Variants in CCDC171 observed in about 807,000 individuals in gnomAD.
The protein encoded by CCDC171 is coiled-coil domain-containing protein 171.
In CCDC171, 177 loss-of-function variants were observed where a neutral mutation model predicts 168.2. That is an observed-to-expected ratio of 1.05 (90% CI 0.93 to 1.19). The LOEUF (loss-of-function observed/expected upper bound fraction) is 1.19. Among genes scored for constraint, CCDC171 ranks in the 50% most tolerant of loss-of-function variants. The probability of loss-of-function intolerance (pLI) is 0.00; values close to 1 mark genes in which losing one functional copy is unlikely to be tolerated. For missense variants in CCDC171, 1,991 were observed against 1,539.0 expected, an observed-to-expected ratio of 1.29 and a Z score of -4.91; for synonymous variants, 687 against 540.8, an observed-to-expected ratio of 1.27 and a Z score of -3.75.
At chr9:16,088,840 C>T in the CCDC171 span, among the ~76,000 whole-genome samples, 1 of 151,984 alleles carries the variant, frequency 6.6e-6, no homozygotes, top group Non-Finnish European at 1.5e-5. Context: ...TGATTTTCTC[C>T]ACAGAATTAG....
chr9:15,759,575 C>T (rs1297490334), intron 18 of CCDC171, among the ~76,000 whole-genome samples: 1 of 152,098 alleles, frequency 6.6e-6, no homozygotes, highest in Non-Finnish European at 1.5e-5. Context: ...GGAAGAGTTC[C>T]TCAGTCTTTT....
At position 15,721,759 on chromosome 9, in the gene CCDC171, T is replaced by G; in HGVS notation, c.1319-10T>G. ...TTAAGGGTATATTTTCATCCTATAT[T>G]TTTCTCTAGGCATCCACAAGGACAA... On this transcript the variant is annotated splice_polypyrimidine_tract_variant and intron_variant, in intron 11 of 25. Transcript: ENST00000380701. 1 of 1,502,894 alleles carries G rather than the reference T, an allele frequency of 6.7e-7. No individual in the cohort carries two copies. The highest frequency in any genetic ancestry group is 1.4e-5 in the African/African-American group (1 of 70,556). 93.1% of individuals were successfully genotyped at this position (1,502,894 alleles called of 1,614,324 possible). A position where few individuals can be genotyped will look rare whatever the true frequency, so the allele number is the denominator to read the frequency against.
At chr9:15,843,689 A>G (rs562710989) in intron 21 of CCDC171, among the ~76,000 whole-genome samples, 20 of 152,218 alleles carry the variant, frequency 1.3e-4, no homozygotes, top group African/African-American at 4.8e-4. Context: ...TCACTTATAT[A>G]TGAAGTATGT....
chr9:15,988,469 C>G (rs2132896073), intron 3 of CCDC171, among the ~76,000 whole-genome samples: 1 of 152,300 alleles, frequency 6.6e-6, no homozygotes, highest in South Asian at 2.1e-4. Flanking sequence ...CGAATAGGAA[C>G]AGCTCCAGTC....
At chr9:16,006,099 TG>T (rs1214747257) in intron 3 of CCDC171, among the ~76,000 whole-genome samples, 5 of 152,040 alleles carry the variant, frequency 3.3e-5, no homozygotes, top group Non-Finnish European at 7.4e-5. Context: ...TGACCTCAGG[TG>T]ATCTGCCCAT....
At chr9:15,725,038 C>G in intron 14 of CCDC171, 62 bp downstream of exon 14, 1 of 1,185,756 alleles carries the variant, frequency 8.4e-7, no homozygotes, top group African/African-American at 1.5e-5. Flanking sequence ...TGTTATACAT[C>G]AAGTGACTAT....
intron 25 of CCDC171, among the ~76,000 whole-genome samples, chr9:15,929,505 G>A (rs2132116874): frequency 6.6e-6 from 1 of 151,668 alleles, no homozygotes; most frequent in African/African-American, 2.4e-5. Flanking sequence ...TGAAATAACT[G>A]TCCACCTTGC....
chr9:15,946,976 G>A (rs1412704245), intron 25 of CCDC171, among the ~76,000 whole-genome samples: 2 of 151,840 alleles, frequency 1.3e-5, no homozygotes, highest in African/African-American at 2.4e-5. Context: ...TGTACAATTA[G>A]CATTTTAATC....
chr9:15,718,491 C>T (rs1431265656), intron 11 of CCDC171, among the ~76,000 whole-genome samples: 1 of 152,242 alleles, frequency 6.6e-6, no homozygotes, highest in African/African-American at 2.4e-5. Flanking sequence ...TAGGCAGTCG[C>T]CAGTTAATGG....
intron 6 of CCDC171, among the ~76,000 whole-genome samples, chr9:15,621,796 T>TAAATTAATA (rs1198905156): frequency 1.3e-5 from 2 of 152,188 alleles, no homozygotes; most frequent in Non-Finnish European, 2.9e-5. Context: ...CTCAAAGGAA[T>TAAATTAATA]AGAAATTGTT....
intron 18 of CCDC171, among the ~76,000 whole-genome samples, chr9:15,770,265 A>G (rs558712742): frequency 2.0e-5 from 3 of 152,224 alleles, no homozygotes; most frequent in South Asian, 2.1e-4. Context: ...TATTTGGTTT[A>G]TGCAAAAACT....
chr9:15,767,987 G>C (rs2056823903), intron 18 of CCDC171, among the ~76,000 whole-genome samples: 1 of 149,302 alleles, frequency 6.7e-6, no homozygotes, highest in South Asian at 2.1e-4. Context: ...CACCCACCTC[G>C]GTCTCCCAAT....
intron 4 of CCDC171, chr9:15,587,749 G>C: frequency 2.4e-6 from 1 of 418,876 alleles, no homozygotes; most frequent in Middle Eastern, 3.5e-4. Flanking sequence ...CTTTTAATGA[G>C]AGTAGACAAC....
intron 10 of CCDC171, among the ~76,000 whole-genome samples, chr9:15,685,120 G>T (rs1444627309): frequency 6.6e-6 from 1 of 152,140 alleles, no homozygotes; most frequent in Non-Finnish European, 1.5e-5. Flanking sequence ...CGTTTGTTGA[G>T]TCAACAATTT....
rs761608397 is a variant in CCDC171 at position 15,831,191 on chromosome 9, C to G, written c.3268-15511C>G. On this transcript the variant is annotated intron_variant, in intron 21 of 25. Transcript: ENST00000380701. ...GTTTCACCATGTTAGCCAGGATGGTCTCGAACTCCTAACCTTGTGATCCGG... is the reference window on the plus strand; with the variant it reads ...GTTTCACCATGTTAGCCAGGATGGTGTCGAACTCCTAACCTTGTGATCCGG... 6.7e-4 allele frequency among the ~76,000 whole-genome samples: 102 copies of G among 151,986 alleles called. 1 individual carries two copies. The highest frequency in any genetic ancestry group is 6.8e-3 in the Middle Eastern group (2 of 292).
intron 11 of CCDC171, among the ~76,000 whole-genome samples, chr9:15,696,640 G>T (rs150080886): frequency 1.1e-4 from 16 of 152,110 alleles, no homozygotes; most frequent in African/African-American, 3.9e-4. Flanking sequence ...AAATATTGTC[G>T]CAGTATAGCA....
the CCDC171 span, among the ~76,000 whole-genome samples, chr9:16,097,334 T>C: frequency 2.0e-5 from 3 of 152,368 alleles, no homozygotes; most frequent in Middle Eastern, 3.4e-3. Flanking sequence ...GGTTTGTATA[T>C]GCTAGTGTCT....
chr9:15,623,473 GCGCACACACA>G (rs1484605890), intron 7 of CCDC171, 60 bp downstream of exon 7: 3 of 464,168 alleles, frequency 6.5e-6, no homozygotes, highest in South Asian at 2.3e-5. Context: ...ATGCGCGCGC[GCGCACACACA>G]CACACACACA....
chr9:15,985,411 A>T (rs1222439852), intron 3 of CCDC171, among the ~76,000 whole-genome samples: 1 of 152,212 alleles, frequency 6.6e-6, no homozygotes, highest in Non-Finnish European at 1.5e-5. Flanking sequence ...CAGCAGTATC[A>T]TCACTGTTAA....
Sources: gnomAD v4.1 joint callset for allele counts (sites outside exome capture counted in the v4.1 genomes callset) on GRCh38, gnomAD v4.1.1 for gene constraint, MANE v1.5 for transcripts, NCBI Gene and HGNC (gene_info 2026-07-23, HGNC 2026-07-21) for gene names.